The following SEC61A2 variants were observed in gnomAD, a reference collection of about 807,000 sequenced individuals.
SEC61A2 encodes the protein SEC61 translocon subunit alpha 2.
SEC61A2 carries 28 observed loss-of-function variants against 59.9 expected under a neutral mutation model. The ratio of observed to expected loss-of-function variants is 0.47; its 90% CI spans 0.35 to 0.64. The LOEUF (loss-of-function observed/expected upper bound fraction) is 0.64, where lower values mean the gene tolerates loss of function less well. SEC61A2 is among the 30% of genes least tolerant of loss of function. The pLI, the probability that SEC61A2 is intolerant of heterozygous loss-of-function variation, is 0.01. For missense variants in SEC61A2, 340 were observed against 585.9 expected, an observed-to-expected ratio of 0.58 and a Z score of 4.33; for synonymous variants, 202 against 214.4, an observed-to-expected ratio of 0.94 and a Z score of 0.50.
rs1175107492 is a variant in SEC61A2, at chr10:12,158,463, G to A, written c.975+358G>A. On this transcript the variant is annotated intron_variant, in intron 9 of 11. Transcript: ENST00000298428. This position sits in a 1 kb window ranked among gnomAD's most constrained non-coding sequence, Gnocchi z 5.7. The stretch of plus-strand genomic sequence containing the variant: ...TGCTATTTGCTGGCTGGGTGCGGTG[G>A]CTCACTCCTGTAATCCCAGGACTTT... Among the ~76,000 whole-genome samples, 1 of 152,140 alleles carries A rather than the reference G, an allele frequency of 6.6e-6. No homozygotes were observed. Among genetic ancestry groups the A allele is most frequent in the Non-Finnish European group, 1.5e-5 (1 of 68,024 alleles).
chr10:12,167,847 GT>G, downstream of SEC61A2: 1 of 1,610,148 alleles, frequency 6.2e-7, no homozygotes, highest in East Asian at 2.2e-5. Flanking sequence ...AGATCATGCC[GT>G]TAAGGAAGGA....
intron 9 of SEC61A2, among the ~76,000 whole-genome samples, chr10:12,159,236 C>T (rs1834477434): frequency 6.6e-6 from 1 of 152,104 alleles, no homozygotes; most frequent in South Asian, 2.1e-4. Flanking sequence ...CTCAGCCTCC[C>T]AAATTGCTGG....
intron 6 of SEC61A2, among the ~76,000 whole-genome samples, chr10:12,150,669 A>C (rs1834249774): frequency 2.0e-5 from 3 of 152,264 alleles, no homozygotes; most frequent in Admixed American, 6.5e-5. Flanking sequence ...TCTTAGAGTC[A>C]GTGAAACACT....
chr10:12,158,393 T>G lies in SEC61A2; in HGVS notation c.975+288T>G. Reference sequence around the variant, plus strand: ...ATTTCATAAAAGTAATTTCCTATTTTGTCATCTTATTCCAGTATTGTCTAC... The same window carrying G: ...ATTTCATAAAAGTAATTTCCTATTTGGTCATCTTATTCCAGTATTGTCTAC... On this transcript the variant is annotated intron_variant, in intron 9 of 11. Coordinates refer to ENST00000298428, the MANE Select transcript of SEC61A2 (RefSeq NM_018144.4). This position sits in a 1 kb window ranked among gnomAD's most constrained non-coding sequence, Gnocchi z 5.7. 2.7e-6 allele frequency: 1 copy of G among 366,808 alleles called. No individual in the cohort carries two copies. The highest frequency in any genetic ancestry group is 5.0e-6 in the Non-Finnish European group (1 of 199,320). 22.7% of individuals were successfully genotyped at this position (366,808 alleles called of 1,614,324 possible).
At position 12,156,014 on chromosome 10, in the gene SEC61A2, A is replaced by G. The variant is rs1412425707; in HGVS notation, c.616+83A>G. ...ACCCATCGTGTCGCAGTACATGCCT[A>G]GAGCCGTTCTGGTTTGCTCTCCTAG... On this transcript the variant is annotated intron_variant, in intron 7 of 11. Transcript: ENST00000298428. This position sits in a 1 kb window ranked among gnomAD's most constrained non-coding sequence, Gnocchi z 5.2. The G allele has an allele frequency of 7.5e-6, 11 of 1,475,304 alleles. No homozygotes were observed. The highest frequency in any genetic ancestry group is 1.0e-5 in the Non-Finnish European group (11 of 1,061,604). 91.4% of individuals were successfully genotyped at this position (1,475,304 alleles called of 1,614,324 possible).
chr10:12,155,829 G>T lies in SEC61A2; in HGVS notation c.514G>T (p.Gly172Cys). 7 of 1,614,212 alleles carry T rather than the reference G, an allele frequency of 4.3e-6. No homozygotes were observed. The highest frequency in any genetic ancestry group is 5.9e-6 in the Non-Finnish European group (7 of 1,180,036). ...GCTGTTAGATGAGCTGCTACAGAAG[G>T]GTTACGGCTTGGGGTCTGGGATTTC... ...VLLLDELLQK[G>C]YGLGSGISLF... The change falls in exon 7 of 12, where the codon GGT becomes TGT. Residue 172 changes from glycine (G) to cysteine (C), a missense_variant. Transcript: ENST00000298428. The surrounding 1 kb of genome is among the most constrained non-coding windows in gnomAD (Gnocchi z 4.3).
downstream of SEC61A2, chr10:12,169,286 G>A: frequency 6.4e-7 from 1 of 1,554,158 alleles, no homozygotes; most frequent in Non-Finnish European, 8.7e-7. This position sits in a 1 kb window ranked among gnomAD's most constrained non-coding sequence, Gnocchi z 4.8. Flanking sequence ...AAGGTGGAAG[G>A]GAGAAGGAAG....
chr10:12,159,936 C>T, intron 9 of SEC61A2, among the ~76,000 whole-genome samples: 1 of 152,008 alleles, frequency 6.6e-6, no homozygotes. Context: ...GACAGTAACT[C>T]ATATATTAGT....
chr10:12,162,289 G>C lies in SEC61A2; in HGVS notation c.1244G>C (p.Arg415Thr). The C allele has an allele frequency of 6.2e-7, 1 of 1,611,302 alleles. No homozygotes were observed. Among genetic ancestry groups the C allele is most frequent in the East Asian group, 2.2e-5 (1 of 44,800 alleles). ...RDTSMVHELN[R>T]YIPTAAAFGG... ...ACCTCTATGGTTCATGAGCTTAATA[G>C]GTAAGGCTGCTAGACTGACACCTTT... The change falls in exon 11 of 12, where the codon AGG becomes ACG. Residue 415 changes from arginine (R) to threonine (T), a missense_variant and splice_region_variant. By Grantham distance (71) the Arg-to-Thr change is moderately conservative. Around this residue, in one of 3 missense-constraint regions of SEC61A2, gnomAD observed 283 missense variants for 483.2 expected, o/e 0.59. Transcript: ENST00000298428. This position sits in a 1 kb window ranked among gnomAD's most constrained non-coding sequence, Gnocchi z 6.1.
Position 12,158,885 on chromosome 10 carries a change from A to G in SEC61A2, c.975+780A>G, listed in dbSNP as rs1834466644. On this transcript the variant is annotated intron_variant, in intron 9 of 11. Transcript: ENST00000298428. This position sits in a 1 kb window ranked among gnomAD's most constrained non-coding sequence, Gnocchi z 5.7. ...CAGCTTGTGATGAGCTGGGCTAGAG[A>G]TAGGCATGCTATTAACTAGACGGTA... Among the ~76,000 whole-genome samples the G allele has an allele frequency of 6.6e-6, 1 of 152,092 alleles. No individual in the cohort carries two copies. Among genetic ancestry groups the G allele is most frequent in the Non-Finnish European group, 1.5e-5 (1 of 68,004 alleles).
rs1263431067 is a variant in SEC61A2 at position 12,164,838 on chromosome 10, A to G, written c.*384A>G. ...GTAGTTCAAATTGCCACTTTCCAGT[A>G]TTTTTGAGCTTATTTAATGAGTTCT... On this transcript the variant is annotated 3_prime_UTR_variant, in exon 12 of 12. Transcript: ENST00000298428. This position sits in a 1 kb window ranked among gnomAD's most constrained non-coding sequence, Gnocchi z 7.3. 2.5e-5 allele frequency: 25 copies of G among 1,005,974 alleles called. No homozygotes were observed. Among genetic ancestry groups the G allele is most frequent in the Non-Finnish European group, 3.0e-5 (25 of 842,926 alleles). 62.3% of individuals were successfully genotyped at this position (1,005,974 alleles called of 1,614,324 possible). A position where few individuals can be genotyped will look rare whatever the true frequency, so the allele number is the denominator to read the frequency against.
chr10:12,168,141 C>T (rs1482565158), downstream of SEC61A2, among the ~76,000 whole-genome samples: 2 of 152,010 alleles, frequency 1.3e-5, no homozygotes, highest in Non-Finnish European at 2.9e-5. The surrounding 1 kb of genome is among the most constrained non-coding windows in gnomAD (Gnocchi z 4.8). Context: ...TCTCCTGCCT[C>T]AGCCTCCCCA....
rs904315905 is a variant in SEC61A2, at chr10:12,154,118, G to A, written c.463-1660G>A. ...TCATCATACATGTCGTCCATTCCCC[G>A]TGAACATGTAGCAGTTAGGGTTCTG... On this transcript the variant is annotated intron_variant, in intron 6 of 11. Coordinates refer to ENST00000298428, the MANE Select transcript of SEC61A2 (RefSeq NM_018144.4). The surrounding 1 kb of genome is among the most constrained non-coding windows in gnomAD (Gnocchi z 5.2). Among the ~76,000 whole-genome samples, 6 of 152,258 alleles carry A rather than the reference G, an allele frequency of 3.9e-5. No homozygotes were observed. The highest frequency in any genetic ancestry group is 7.4e-5 in the Non-Finnish European group (5 of 68,024).
chr10:12,169,405 T>C, downstream of SEC61A2: 1 of 966,406 alleles, frequency 1.0e-6, no homozygotes, highest in Non-Finnish European at 1.5e-6. This position sits in a 1 kb window ranked among gnomAD's most constrained non-coding sequence, Gnocchi z 4.8. Context: ...GAGGGGCTGT[T>C]ATTGTTCCTG....
rs1172953263 is a variant in SEC61A2, at chr10:12,160,771, G to A, written c.976-159G>A. Among the ~76,000 whole-genome samples the A allele has an allele frequency of 6.6e-6, 1 of 152,200 alleles. No homozygotes were observed. Among genetic ancestry groups the A allele is most frequent in the Non-Finnish European group, 1.5e-5 (1 of 68,028 alleles). ...ATCGTATAACTTTGAAGGAGTGAAG[G>A]TAGTAGACACAAAAGTACATTCTGA... On this transcript the variant is annotated intron_variant, in intron 9 of 11. Coordinates refer to ENST00000298428, the MANE Select transcript of SEC61A2 (RefSeq NM_018144.4). This position sits in a 1 kb window ranked among gnomAD's most constrained non-coding sequence, Gnocchi z 4.1.
chr10:12,155,262 AT>A lies in SEC61A2; in HGVS notation c.463-512del. 1 of 1,288,080 alleles carries A rather than the reference AT, an allele frequency of 7.8e-7. No individual in the cohort carries two copies. The highest frequency in any genetic ancestry group is 1.9e-5 in the South Asian group (1 of 53,070). The allele number at this position is 1,288,080 out of a possible 1,614,324, so 79.8% of individuals were successfully genotyped here. A position where few individuals can be genotyped will look rare whatever the true frequency, so the allele number is the denominator to read the frequency against. ...TGTTCTAGTTTTTTATTCTGTACACATTTTATAGAGTATACATATATATAAT... is the reference window on the plus strand; with the variant it reads ...TGTTCTAGTTTTTTATTCTGTACACATTTATAGAGTATACATATATATAAT... On this transcript the variant is annotated intron_variant, in intron 6 of 11. Transcript: ENST00000298428. The surrounding 1 kb of genome is among the most constrained non-coding windows in gnomAD (Gnocchi z 4.3).
At chr10:12,167,856 G>GGACAAAACATCTTATTCAATCA, downstream of SEC61A2, 1 of 1,608,348 alleles carries the variant, frequency 6.2e-7, no homozygotes, top group South Asian at 1.1e-5. Context: ...CGTTAAGGAA[G>GGACAAAACATCTTATTCAATCA]GACAAAACAT....
rs1324929212 is a variant in SEC61A2 at position 12,143,227 on chromosome 10, A to G, written c.220+32A>G. 3 of 1,418,188 alleles carry G rather than the reference A, an allele frequency of 2.1e-6. No individual in the cohort carries two copies. The highest frequency in any genetic ancestry group is 2.0e-6 in the Non-Finnish European group (2 of 1,001,532). The allele number at this position is 1,418,188 out of a possible 1,614,324, so 87.9% of individuals were successfully genotyped here. A position where few individuals can be genotyped will look rare whatever the true frequency, so the allele number is the denominator to read the frequency against. ...GTGTCTTTTCTGTCTCCACACTCCT[A>G]CTCACAGCAAACAGATGGAAACATG... On this transcript the variant is annotated intron_variant, in intron 4 of 11. Coordinates refer to ENST00000298428, the MANE Select transcript of SEC61A2 (RefSeq NM_018144.4). This position sits in a 1 kb window ranked among gnomAD's most constrained non-coding sequence, Gnocchi z 4.8.
chr10:12,151,848 A>G (rs1564413174), intron 6 of SEC61A2, among the ~76,000 whole-genome samples: 1 of 149,094 alleles, frequency 6.7e-6, no homozygotes, highest in Admixed American at 6.7e-5. Context: ...TCTTGGCTCA[A>G]CACAACCTCT....
Sources: allele counts gnomAD v4.1 joint callset (sites outside exome capture counted in the v4.1 genomes callset), GRCh38; gene constraint gnomAD v4.1.1; regional missense constraint gnomAD v4.1.1; non-coding constraint Gnocchi (gnomAD v3.1); transcripts MANE v1.5; gene names NCBI Gene and HGNC (gene_info 2026-07-23, HGNC 2026-07-21).